Variants in MFSD1 observed in about 807,000 individuals in gnomAD.
MFSD1 encodes major facilitator superfamily domain containing 1.
A neutral mutation model predicts 67.1 loss-of-function variants in MFSD1; 59 were observed. That is an observed-to-expected ratio of 0.88 (90% confidence interval 0.71 to 1.09). The LOEUF is 1.09. Ranked by LOEUF, MFSD1 falls within the 50% of genes least tolerant of loss-of-function variation. The probability of loss-of-function intolerance (pLI) is 0.00; values close to 1 mark genes in which losing one functional copy is unlikely to be tolerated. For missense variants in MFSD1, 552 were observed against 566.1 expected (o/e 0.97, Z 0.25); for synonymous variants, 213 against 200.3 (o/e 1.06, Z -0.54).
intron 1 of MFSD1, 62 bp downstream of exon 1, chr3:158,802,377 A>G (rs1729501354): frequency 1.9e-6 from 3 of 1,594,102 alleles, no homozygotes; most frequent in Admixed American, 1.7e-5. Flanking sequence ...TCTTCGAGGT[A>G]GATCGTCATC....
At chr3:158,819,956 C>T (rs1730589274) in intron 8 of MFSD1, among the ~76,000 whole-genome samples, 3 of 151,988 alleles carry the variant, frequency 2.0e-5, no homozygotes, top group African/African-American at 4.8e-5. Context: ...TTTACATTCT[C>T]GATTGTATAT....
chr3:158,826,427 T>C (rs989274507), intron 14 of MFSD1, among the ~76,000 whole-genome samples: 1 of 152,028 alleles, frequency 6.6e-6, no homozygotes, highest in African/African-American at 2.4e-5. Context: ...TAATTTACAT[T>C]TTAAGGTTCA....
intron 7 of MFSD1, among the ~76,000 whole-genome samples, chr3:158,816,684 G>C (rs1240160430): frequency 6.6e-6 from 1 of 151,466 alleles, no homozygotes; most frequent in Non-Finnish European, 1.5e-5. Context: ...TTTGGCTTTT[G>C]TTGCCATTGC....
chr3:158,813,193 G>C (rs1730128939), intron 6 of MFSD1, among the ~76,000 whole-genome samples: 1 of 149,694 alleles, frequency 6.7e-6, no homozygotes, highest in Admixed American at 6.7e-5. Flanking sequence ...TGTCACCCAG[G>C]CTAGAGTGCA....
At chr3:158,816,283 G>T (rs1489928763) in intron 7 of MFSD1, among the ~76,000 whole-genome samples, 7 of 152,166 alleles carry the variant, frequency 4.6e-5, no homozygotes. Flanking sequence ...GTGTAAAAGT[G>T]TTCCTATTTC....
At chr3:158,816,287 C>A (rs1245584310) in intron 7 of MFSD1, among the ~76,000 whole-genome samples, 4 of 152,200 alleles carry the variant, frequency 2.6e-5, no homozygotes, top group African/African-American at 7.2e-5. Flanking sequence ...AAAAGTGTTC[C>A]TATTTCTCCA....
chr3:158,806,351 TG>T (rs1729728206), intron 3 of MFSD1, among the ~76,000 whole-genome samples: 1 of 152,348 alleles, frequency 6.6e-6, no homozygotes, highest in South Asian at 2.1e-4. Flanking sequence ...AGAATTGTCT[TG>T]GAACCATAGT....
chr3:158,828,729 C>T (rs991987658), intron 15 of MFSD1, among the ~76,000 whole-genome samples: 17 of 151,972 alleles, frequency 1.1e-4, no homozygotes, highest in African/African-American at 3.6e-4. Flanking sequence ...AAATATACTA[C>T]TAGAAATAAC....
intron 1 of MFSD1, among the ~76,000 whole-genome samples, chr3:158,803,296 C>T (rs1342654276): frequency 6.6e-6 from 1 of 152,082 alleles, no homozygotes; most frequent in Non-Finnish European, 1.5e-5. Flanking sequence ...TATTCTAGCG[C>T]TGAACATATA....
chr3:158,827,972 G>GAC (rs1227280697), intron 15 of MFSD1, among the ~76,000 whole-genome samples: 81 of 136,342 alleles, frequency 5.9e-4, no homozygotes, highest in East Asian at 3.1e-3. Flanking sequence ...GAGAGAGAGA[G>GAC]AGAGAGACAG....
intron 9 of MFSD1, 91 bp downstream of exon 9, chr3:158,820,417 C>A: frequency 1.2e-6 from 1 of 835,394 alleles, no homozygotes; most frequent in South Asian, 1.6e-5. Flanking sequence ...GTAAATCTTG[C>A]TTCTCTGGTT....
At chr3:158,817,290 G>A (rs955959471) in intron 7 of MFSD1, among the ~76,000 whole-genome samples, 6 of 152,092 alleles carry the variant, frequency 3.9e-5, no homozygotes, top group Non-Finnish European at 5.9e-5. Context: ...ATTCAATTAG[G>A]AAAAGAGGAA....
chr3:158,802,512 A>G (rs1190811524), intron 1 of MFSD1, 197 bp downstream of exon 1: 1 of 754,804 alleles, frequency 1.3e-6, no homozygotes, highest in South Asian at 1.5e-5. Flanking sequence ...CGCGTCCGGA[A>G]CGTGGAGGTC....
chr3:158,827,814 A>T lies in MFSD1; in HGVS notation c.1394+477A>T, dbSNP rs537613289. Among the ~76,000 whole-genome samples, 113 of 152,182 alleles carry T rather than the reference A, an allele frequency of 7.4e-4. 5 individuals are homozygous for T. The South Asian group carries it at 0.023, about 31-fold the overall frequency. On this transcript the variant is annotated intron_variant, in intron 15 of 15. Transcript: ENST00000415822. ...TAACAACATTCTTGTTTGCTTCAGAAAATTTAAAAATGGATATTAAGGCTT... is the reference window on the plus strand; with the variant it reads ...TAACAACATTCTTGTTTGCTTCAGATAATTTAAAAATGGATATTAAGGCTT...
chr3:158,822,135 G>A lies in MFSD1; in HGVS notation c.1072G>A (p.Ala358Thr). The A allele has an allele frequency of 6.2e-7, 1 of 1,611,272 alleles. No individual in the cohort carries two copies. Residue 358 changes from alanine (A) to threonine (T), a missense_variant, in exon 11 of 16, where the codon GCT becomes ACT. By Grantham distance (58) the Ala-to-Thr change is moderately conservative (BLOSUM62 0). Coordinates refer to ENST00000415822, the MANE Select transcript of MFSD1 (RefSeq NM_022736.4). Reference protein sequence around the residue: ...LAFTMWNPWIAMCLLGLSYSL... With the variant: ...LAFTMWNPWITMCLLGLSYSL... ...CTTTACGATGTGGAACCCTTGGATT[G>A]CTATGGTAACGTCTGTGTTAGCCCA...
At chr3:158,819,791 T>C (rs564726303) in intron 8 of MFSD1, 44 bp downstream of exon 8, 2 of 1,139,150 alleles carry the variant, frequency 1.8e-6, no homozygotes, top group South Asian at 2.7e-5. Context: ...ATTACGGCCT[T>C]TGTGAGATTT....
Position 158,820,197 on chromosome 3 carries a change from T to C in MFSD1, c.752-18T>C. On this transcript the variant is annotated intron_variant, in intron 8 of 15. Coordinates refer to ENST00000415822, the MANE Select transcript of MFSD1 (RefSeq NM_022736.4). ...TATGCAAAATTATGCTGATAGTGTC[T>C]TCCCTTTCTTCTCTAAGGTGAAGTT... 7.1e-7 allele frequency: 1 copy of C among 1,406,838 alleles called. No individual in the cohort carries two copies. Among genetic ancestry groups the C allele is most frequent in the African/African-American group, 1.4e-5 (1 of 71,136 alleles). The allele number at this position is 1,406,838 out of a possible 1,614,324, so 87.1% of individuals were successfully genotyped here.
At chr3:158,803,628 G>A (rs1203486388) in intron 1 of MFSD1, among the ~76,000 whole-genome samples, 8 of 152,148 alleles carry the variant, frequency 5.3e-5, no homozygotes, top group Non-Finnish European at 8.8e-5. Flanking sequence ...TCGTGCACTT[G>A]TAGAGTTAGT....
chr3:158,804,401 TG>T, intron 2 of MFSD1, 30 bp downstream of exon 2: 4 of 1,594,982 alleles, frequency 2.5e-6, no homozygotes, highest in Non-Finnish European at 3.4e-6. Flanking sequence ...TTGTTTCTTT[TG>T]TTTTCTTTAG....
Sources: gnomAD v4.1 joint callset for allele counts (sites outside exome capture counted in the v4.1 genomes callset) on GRCh38, gnomAD v4.1.1 for gene constraint, MANE v1.5 for transcripts, NCBI Gene and HGNC (gene_info 2026-07-23, HGNC 2026-07-21) for gene names.